Variants in PAK5 observed in about 807,000 individuals in gnomAD.
PAK5 encodes serine/threonine-protein kinase PAK 5.
PAK5 carries 16 observed loss-of-function variants against 65.9 expected under a neutral mutation model. That is an observed-to-expected ratio of 0.24 (90% CI 0.16 to 0.37). The LOEUF (loss-of-function observed/expected upper bound fraction) is 0.37. Ranked by LOEUF, PAK5 falls within the 10% of genes least tolerant of loss-of-function variation. The pLI, the probability that PAK5 is intolerant of heterozygous loss-of-function variation, is 1.00. For synonymous variants in PAK5, 371 were observed against 354.9 expected (o/e 1.05, Z -0.51); for missense variants, 785 against 903.9 (o/e 0.87, Z 1.69).
rs1263987738 is a variant in PAK5, at chr20:9,812,339, A to G, written c.-162+26423T>C. Among the ~76,000 whole-genome samples the G allele has an allele frequency of 3.3e-5, 5 of 152,280 alleles. No individual in the cohort carries two copies. The East Asian group carries it at 9.6e-4, about 29-fold the overall frequency. ...ACACAAAATTTGAAGAGACAATATC[A>G]CCAGAGAAGATGTACAAATGGCAAG... On this transcript the variant is annotated intron_variant, in intron 1 of 9. Transcript: ENST00000353224.
At chr20:9,827,011 G>A (rs1403578676) in intron 1 of PAK5, among the ~76,000 whole-genome samples, 2 of 151,364 alleles carry the variant, frequency 1.3e-5, no homozygotes, top group East Asian at 3.9e-4. Flanking sequence ...CATGTGTTTA[G>A]AATCTCTACC....
chr20:9,548,750 A>C (rs1323950862), intron 7 of PAK5, among the ~76,000 whole-genome samples: 1 of 152,266 alleles, frequency 6.6e-6, no homozygotes, highest in East Asian at 1.9e-4. Context: ...CATCTGAAGC[A>C]CACTGAAGAT....
chr20:9,698,631 G>A (rs1356537138), intron 2 of PAK5, among the ~76,000 whole-genome samples: 1 of 152,098 alleles, frequency 6.6e-6, no homozygotes, highest in Admixed American at 6.6e-5. Flanking sequence ...GGATGCCTTT[G>A]GCTTTGTTTC....
intron 1 of PAK5, among the ~76,000 whole-genome samples, chr20:9,824,486 G>T (rs972376915): frequency 6.6e-6 from 1 of 152,168 alleles, no homozygotes; most frequent in African/African-American, 2.4e-5. Context: ...TGAGGTTAGG[G>T]TTTGAACCAG....
chr20:9,762,736 T>C (rs148405304), intron 1 of PAK5, among the ~76,000 whole-genome samples: 72 of 152,166 alleles, frequency 4.7e-4, no homozygotes, highest in African/African-American at 1.7e-3. Flanking sequence ...AAAAATAGAA[T>C]TATGTGGTCC....
intron 3 of PAK5, among the ~76,000 whole-genome samples, chr20:9,587,979 C>T (rs542262148): frequency 6.6e-6 from 1 of 152,098 alleles, no homozygotes; most frequent in Non-Finnish European, 1.5e-5. Context: ...GCGCTAAGTA[C>T]GTTTACACTA....
At chr20:9,557,523 T>C (rs1603205882) in intron 7 of PAK5, 85 bp downstream of exon 7, 1 of 1,155,344 alleles carries the variant, frequency 8.7e-7, no homozygotes, top group Non-Finnish European at 1.2e-6. Flanking sequence ...ATTAGAGTTA[T>C]AAAAAAGTGT....
intron 3 of PAK5, among the ~76,000 whole-genome samples, chr20:9,603,046 C>A (rs1319681645): frequency 3.9e-5 from 6 of 152,148 alleles, no homozygotes; most frequent in Non-Finnish European, 7.3e-5. Context: ...TAGCAAAGAA[C>A]CCAGGAAGGT....
chr20:9,667,005 T>C (rs1421208355), intron 2 of PAK5, among the ~76,000 whole-genome samples: 2 of 152,098 alleles, frequency 1.3e-5, no homozygotes, highest in Non-Finnish European at 2.9e-5. Context: ...AGATCGGGCA[T>C]AGTGGCTCAT....
intron 1 of PAK5, among the ~76,000 whole-genome samples, chr20:9,781,692 C>T (rs2048941981): frequency 7.7e-6 from 1 of 129,092 alleles, no homozygotes; most frequent in Non-Finnish European, 1.6e-5. Context: ...GTTCTCGTGC[C>T]AAGAACCTTG....
chr20:9,676,750 T>C (rs562618481), intron 2 of PAK5, among the ~76,000 whole-genome samples: 5 of 152,322 alleles, frequency 3.3e-5, no homozygotes, highest in Non-Finnish European at 7.3e-5. Context: ...GGCTTTGATA[T>C]GAAATCATCT....
intron 3 of PAK5, among the ~76,000 whole-genome samples, chr20:9,621,945 C>G (rs1042590027): frequency 6.6e-6 from 1 of 152,182 alleles, no homozygotes; most frequent in African/African-American, 2.4e-5. Context: ...ACAGCTCTGT[C>G]CATAATATTC....
At chr20:9,817,445 G>A (rs995143828) in intron 1 of PAK5, among the ~76,000 whole-genome samples, 1 of 152,078 alleles carries the variant, frequency 6.6e-6, no homozygotes, top group Non-Finnish European at 1.5e-5. Context: ...CTTAATATGT[G>A]CCAGGCCCTG....
intron 6 of PAK5, among the ~76,000 whole-genome samples, chr20:9,561,979 C>T (rs1261928322): frequency 6.6e-6 from 1 of 152,158 alleles, no homozygotes; most frequent in African/African-American, 2.4e-5. Context: ...TTGATAAGAT[C>T]CACAGTGATT....
At chr20:9,583,066 T>C (rs6133725) in intron 3 of PAK5, among the ~76,000 whole-genome samples, 7,967 of 152,202 alleles carry the variant, frequency 0.052, 353 homozygotes, top group East Asian at 0.26. Context: ...GTATTAGAAA[T>C]TAAGATTTGG....
Position 9,580,130 on chromosome 20 carries a change from G to A in PAK5, c.990+15C>T. 2 of 1,594,520 alleles carry A rather than the reference G, an allele frequency of 1.3e-6. No homozygotes were observed. The highest frequency in any genetic ancestry group is 1.7e-6 in the Non-Finnish European group (2 of 1,168,320). On this transcript the variant is annotated intron_variant, in intron 4 of 9. Coordinates refer to ENST00000353224, the MANE Select transcript of PAK5 (RefSeq NM_177990.4). ...GTTTTTGCACACGTGAGGGAAAGGA[G>A]GTAGCAAACGTTACCTTTGGAATGC...
At chr20:9,830,439 A>G (rs1978620796) in intron 1 of PAK5, among the ~76,000 whole-genome samples, 1 of 152,242 alleles carries the variant, frequency 6.6e-6, no homozygotes, top group South Asian at 2.1e-4. Context: ...AACTTTATCA[A>G]CCAAAGTTAA....
intron 3 of PAK5, among the ~76,000 whole-genome samples, chr20:9,590,307 T>G (rs1402550778): frequency 6.6e-6 from 1 of 152,156 alleles, no homozygotes; most frequent in Non-Finnish European, 1.5e-5. Flanking sequence ...AAATGTAAAA[T>G]TAAATACGTG....
At chr20:9,681,520 T>C (rs2047649628) in intron 2 of PAK5, among the ~76,000 whole-genome samples, 1 of 152,188 alleles carries the variant, frequency 6.6e-6, no homozygotes, top group South Asian at 2.1e-4. Flanking sequence ...TTCCCCCTTC[T>C]ATTAGCTAGA....
Sources: gnomAD v4.1 joint callset for allele counts (sites outside exome capture counted in the v4.1 genomes callset) on GRCh38, gnomAD v4.1.1 for gene constraint, MANE v1.5 for transcripts, NCBI Gene and HGNC (gene_info 2026-07-23, HGNC 2026-07-21) for gene names.